Variants in ZFAND6 observed in about 807,000 individuals in gnomAD.
ZFAND6 encodes the protein AN1-type zinc finger protein 6.
In ZFAND6, 12 loss-of-function variants were observed where a neutral mutation model predicts 24.5. The observed-to-expected ratio is 0.49, with a 90% CI of 0.31 to 0.79. The LOEUF is 0.79. ZFAND6 is among the 30% of genes least tolerant of loss of function. The pLI is 0.04. For missense variants in ZFAND6, 207 were observed against 245.9 expected (o/e 0.84, Z 1.06); for synonymous variants, 92 against 81.5 (o/e 1.13, Z -0.69).
intron 1 of ZFAND6, among the ~76,000 whole-genome samples, chr15:80,093,737 ATAGT>A (rs1256678714): frequency 2.6e-5 from 4 of 152,264 alleles, no homozygotes; most frequent in South Asian, 4.1e-4. Context: ...AAATAAATAA[ATAGT>A]TAGATAGATA....
chr15:80,114,499 G>T (rs1486872315), intron 2 of ZFAND6, among the ~76,000 whole-genome samples: 1 of 151,074 alleles, frequency 6.6e-6, no homozygotes, highest in Non-Finnish European at 1.5e-5. Context: ...AATGTATTAG[G>T]AGGAGGGGCA....
At chr15:80,106,243 A>C (rs2039318102) in intron 2 of ZFAND6, among the ~76,000 whole-genome samples, 2 of 152,194 alleles carry the variant, frequency 1.3e-5, no homozygotes, top group Non-Finnish European at 2.9e-5. Context: ...TTGTGAAATC[A>C]TTTATTCATC....
At chr15:80,105,258 G>T (rs1216466093) in intron 2 of ZFAND6, among the ~76,000 whole-genome samples, 1 of 152,178 alleles carries the variant, frequency 6.6e-6, no homozygotes, top group Non-Finnish European at 1.5e-5. Flanking sequence ...TTGAGAGGAG[G>T]ATGTTAGAAA....
chr15:80,103,232 A>T (rs1040105009), intron 2 of ZFAND6, among the ~76,000 whole-genome samples: 1 of 152,236 alleles, frequency 6.6e-6, no homozygotes, highest in East Asian at 1.9e-4. Flanking sequence ...TACCTTCCTT[A>T]TACAGATTTG....
intron 1 of ZFAND6, among the ~76,000 whole-genome samples, chr15:80,084,266 A>T (rs545662753): frequency 2.0e-5 from 3 of 152,178 alleles, no homozygotes; most frequent in Non-Finnish European, 2.9e-5. Flanking sequence ...AATTTGAAAT[A>T]CTCCAAGATT....
At chr15:80,092,436 A>G (rs900106158) in intron 1 of ZFAND6, among the ~76,000 whole-genome samples, 23 of 152,302 alleles carry the variant, frequency 1.5e-4, no homozygotes, top group Admixed American at 1.5e-3. Context: ...ACTCTGTCTC[A>G]AAAAACAAAA....
At chr15:80,090,748 A>G (rs1185995347) in intron 1 of ZFAND6, among the ~76,000 whole-genome samples, 1 of 152,190 alleles carries the variant, frequency 6.6e-6, no homozygotes, top group African/African-American at 2.4e-5. Context: ...GAACTTTGAA[A>G]CCTGAGCTAA....
intron 5 of ZFAND6, chr15:80,130,304 T>C (rs2040542147): frequency 6.6e-6 from 1 of 152,156 alleles, no homozygotes; most frequent in Admixed American, 6.5e-5. Flanking sequence ...AAGGAAACCC[T>C]TTGGAATAGA....
intron 1 of ZFAND6, among the ~76,000 whole-genome samples, chr15:80,089,341 C>T (rs909096883): frequency 1.4e-5 from 2 of 145,988 alleles, no homozygotes; most frequent in Non-Finnish European, 3.0e-5. Flanking sequence ...TCACTGTAGC[C>T]TCCACCTCCC....
At chr15:80,089,788 C>G (rs1023472618) in intron 1 of ZFAND6, among the ~76,000 whole-genome samples, 1 of 152,150 alleles carries the variant, frequency 6.6e-6, no homozygotes, top group African/African-American at 2.4e-5. Flanking sequence ...GATGCTTGAA[C>G]TATGTTTTCC....
intron 2 of ZFAND6, among the ~76,000 whole-genome samples, chr15:80,102,305 T>A (rs2039079230): frequency 6.6e-6 from 1 of 151,862 alleles, no homozygotes; most frequent in Admixed American, 6.6e-5. Flanking sequence ...GACAAAGTTT[T>A]ACCATGTTGG....
rs1038066673 is a variant in ZFAND6 at position 80,086,498 on chromosome 15, A to G, written c.-180-11918A>G. On this transcript the variant is annotated intron_variant, in intron 1 of 6. Transcript: ENST00000261749. ...CAAAATATTCCTTGAACCAATTTGT[A>G]AACAATCCCCTTTCCTACCACCCAT... Among the ~76,000 whole-genome samples, 13 of 152,346 alleles carry G rather than the reference A, an allele frequency of 8.5e-5. 1 individual carries two copies. In the South Asian group the frequency reaches 2.3e-3, roughly 27 times the overall value.
intron 6 of ZFAND6, among the ~76,000 whole-genome samples, chr15:80,134,019 C>G (rs1453934334): frequency 6.8e-6 from 1 of 147,644 alleles, no homozygotes; most frequent in Non-Finnish European, 1.5e-5. Context: ...TGGAGTTTCA[C>G]TCTTTTCGCC....
intron 2 of ZFAND6, among the ~76,000 whole-genome samples, chr15:80,098,844 A>G (rs2038877900): frequency 6.6e-6 from 1 of 152,120 alleles, no homozygotes; most frequent in Admixed American, 6.5e-5. Context: ...AATCTGCATT[A>G]CTAATTTATT....
chr15:80,116,156 A>G (rs2039869303), intron 2 of ZFAND6, among the ~76,000 whole-genome samples: 1 of 150,106 alleles, frequency 6.7e-6, no homozygotes, highest in Non-Finnish European at 1.5e-5. Flanking sequence ...CCAGAGAGAT[A>G]TTGCAGGTCT....
At chr15:80,136,988 TC>T (rs746104333) in intron 6 of ZFAND6, among the ~76,000 whole-genome samples, 6 of 152,226 alleles carry the variant, frequency 3.9e-5, no homozygotes, top group Non-Finnish European at 5.9e-5. Flanking sequence ...AGGCTCTAGA[TC>T]CCGTGCTCTT....
chr15:80,095,936 C>T (rs948857103), intron 1 of ZFAND6, among the ~76,000 whole-genome samples: 3 of 152,210 alleles, frequency 2.0e-5, no homozygotes, highest in African/African-American at 7.2e-5. Context: ...ATCAGTATCA[C>T]ACTTAACATA....
At chr15:80,117,688 C>T (rs1045189465) in intron 2 of ZFAND6, among the ~76,000 whole-genome samples, 1 of 152,060 alleles carries the variant, frequency 6.6e-6, no homozygotes, top group African/African-American at 2.4e-5. Flanking sequence ...GCATGCTTCC[C>T]GGTTTGTCAT....
Position 80,080,839 on chromosome 15 carries a change from G to A in ZFAND6, c.-180-17577G>A, listed in dbSNP as rs546823828. 6.6e-5 allele frequency among the ~76,000 whole-genome samples: 10 copies of A among 152,262 alleles called. No homozygotes were observed. The South Asian group carries it at 8.3e-4, about 13-fold the overall frequency. On this transcript the variant is annotated intron_variant, in intron 1 of 6. Transcript: ENST00000261749. ...CCAGGAGCTAAAGAGAGTGGGGTGC[G>A]GAGAGGTACCACACACTTTTAAGCA...
Sources: allele counts gnomAD v4.1 joint callset (sites outside exome capture counted in the v4.1 genomes callset), GRCh38; gene constraint gnomAD v4.1.1; transcripts MANE v1.5; gene names NCBI Gene and HGNC (gene_info 2026-07-23, HGNC 2026-07-21).